BLM: variants seen among roughly 807,000 people sequenced by gnomAD.
BLM encodes recQ-like DNA helicase BLM.
Under a neutral mutation model 135.3 loss-of-function variants are expected in BLM, and 95 were observed. That is an observed-to-expected ratio of 0.70 (90% CI 0.59 to 0.83). The LOEUF (loss-of-function observed/expected upper bound fraction) is 0.83. Among genes scored for constraint, BLM ranks in the 40% least tolerant of loss-of-function variants. The pLI is 0.00. For missense variants in BLM, 1,518 were observed against 1,663.9 expected (o/e 0.91, Z 1.53); for synonymous variants, 520 against 589.2 (o/e 0.88, Z 1.70).
intron 1 of BLM, among the ~76,000 whole-genome samples, chr15:90,740,640 G>C (rs1019348244): frequency 6.6e-6 from 1 of 152,288 alleles, no homozygotes; most frequent in East Asian, 1.9e-4. Context: ...TGGTTTGCCT[G>C]TGTCCCCATT....
chr15:90,744,465 C>G (rs531611090), intron 1 of BLM, among the ~76,000 whole-genome samples: 1 of 152,074 alleles, frequency 6.6e-6, no homozygotes, highest in Non-Finnish European at 1.5e-5. Context: ...CTCTGCCTCC[C>G]GGGTTCAAGC....
chr15:90,751,639 G>A (rs572211100), intron 3 of BLM, 148 bp from the exon 4 acceptor site: 41 of 654,378 alleles, frequency 6.3e-5, no homozygotes, highest in Non-Finnish European at 1.1e-4. Context: ...AAATAAGCCA[G>A]CATTAGCATG....
chr15:90,719,666 T>A (rs1023261426), intron 1 of BLM, among the ~76,000 whole-genome samples: 5 of 152,140 alleles, frequency 3.3e-5, no homozygotes, highest in South Asian at 2.1e-4. Flanking sequence ...TTAAATTTGG[T>A]TGGTGGGTAC....
chr15:90,736,385 G>C (rs1452970919), intron 1 of BLM, among the ~76,000 whole-genome samples: 4 of 151,848 alleles, frequency 2.6e-5, no homozygotes, highest in Admixed American at 6.6e-5. Flanking sequence ...TTGGCCTCTG[G>C]AGTAGCTGGG....
At chr15:90,730,416 C>A (rs1895035367) in intron 1 of BLM, among the ~76,000 whole-genome samples, 1 of 152,024 alleles carries the variant, frequency 6.6e-6, no homozygotes, top group Admixed American at 6.6e-5. Context: ...TATAGAAGTT[C>A]CTTTCTATTC....
chr15:90,814,559 CCTTCCTGGGG>C (rs28363372), intron 21 of BLM, among the ~76,000 whole-genome samples: 1,905 of 152,254 alleles, frequency 0.013, 33 homozygotes, highest in Non-Finnish European at 0.015. Flanking sequence ...GCATCTGCAG[CCTTCCTGGGG>C]CTTCCTGGGG....
Position 90,748,813 on chromosome 15 carries a change from G to A in BLM, c.99-554G>A, listed in dbSNP as rs550143785. Among the ~76,000 whole-genome samples the A allele has an allele frequency of 4.0e-4, 60 of 150,120 alleles. 1 individual carries two copies. Among genetic ancestry groups the A allele is most frequent in the Non-Finnish European group, 7.0e-4 (47 of 67,592 alleles). On this transcript the variant is annotated intron_variant, in intron 2 of 21. Coordinates refer to ENST00000355112, the MANE Select transcript of BLM (RefSeq NM_000057.4). The stretch of plus-strand genomic sequence containing the variant: ...CGCTCTGTCACCCAGGCTGGAGTGC[G>A]GCAGTATAGTCTCGGCTCACTGTAA...
intron 14 of BLM, among the ~76,000 whole-genome samples, chr15:90,786,540 C>A (rs1896753559): frequency 6.6e-6 from 1 of 152,096 alleles, no homozygotes. Context: ...TTTTTATTGT[C>A]CAGCTTTTTT....
chr15:90,813,939 G>A (rs1897487574), intron 21 of BLM, among the ~76,000 whole-genome samples: 2 of 152,234 alleles, frequency 1.3e-5, no homozygotes, highest in South Asian at 4.1e-4. Flanking sequence ...TGGGCTCTCT[G>A]AGTGGGAGTA....
chr15:90,731,906 C>T (rs760180922), intron 1 of BLM, among the ~76,000 whole-genome samples: 3 of 151,948 alleles, frequency 2.0e-5, no homozygotes, highest in Non-Finnish European at 4.4e-5. Context: ...CACCATGTTG[C>T]CAAGGCTGGT....
chr15:90,800,658 C>T (rs1185035733), intron 17 of BLM, among the ~76,000 whole-genome samples: 1 of 149,042 alleles, frequency 6.7e-6, no homozygotes, highest in Non-Finnish European at 1.5e-5. Context: ...CCAGCGTGGG[C>T]AACAAGAGTG....
Position 90,794,366 on chromosome 15 carries a change from AG to A in BLM, c.3210+10del. 2.6e-6 allele frequency: 4 copies of A among 1,551,002 alleles called. No homozygotes were observed. The highest frequency in any genetic ancestry group is 3.5e-6 in the Non-Finnish European group (4 of 1,150,448). ...ATTGCTGTAAAACAAAGGTAAAAAA[AG>A]AAGTTTTAAAATTCTTTATAATTAA... On this transcript the variant is annotated intron_variant, in intron 16 of 21. Transcript: ENST00000355112.
At chr15:90,759,915 A>T (rs1259339536) in intron 5 of BLM, 1 of 67,274 alleles carries the variant, frequency 1.5e-5, no homozygotes, top group Non-Finnish European at 2.7e-5. Flanking sequence ...CCCCACTTTA[A>T]AAAAAAAAAA....
At chr15:90,803,939 C>T (rs1252939894) in intron 18 of BLM, among the ~76,000 whole-genome samples, 1 of 152,176 alleles carries the variant, frequency 6.6e-6, no homozygotes, top group East Asian at 1.9e-4. Flanking sequence ...TATCAGGTCA[C>T]TAAATCTTTA....
intron 6 of BLM, 71 bp downstream of exon 6, chr15:90,760,350 G>A (rs1486197327): frequency 9.4e-6 from 15 of 1,593,388 alleles, no homozygotes; most frequent in Non-Finnish European, 1.2e-5. Context: ...AAATGGACAG[G>A]GCAAAATGTT....
intron 4 of BLM, 54 bp from the exon 5 acceptor site, chr15:90,754,757 A>G: frequency 6.3e-7 from 1 of 1,575,448 alleles, no homozygotes; most frequent in Non-Finnish European, 8.7e-7. Flanking sequence ...AAAATTATAC[A>G]TTTATTGAGT....
intron 14 of BLM, 66 bp downstream of exon 14, chr15:90,785,147 A>C (rs1427629571): frequency 6.7e-7 from 1 of 1,502,502 alleles, no homozygotes; most frequent in African/African-American, 1.4e-5. Context: ...AAACATGCAC[A>C]TGTAGAATGC....
chr15:90,738,677 T>C (rs546257926), intron 1 of BLM, among the ~76,000 whole-genome samples: 3 of 152,284 alleles, frequency 2.0e-5, no homozygotes, highest in Admixed American at 2.0e-4. Context: ...CCAAAGAAGA[T>C]ATACAAATGG....
chr15:90,773,821 T>C (rs1031605565), intron 12 of BLM, among the ~76,000 whole-genome samples: 3 of 152,240 alleles, frequency 2.0e-5, no homozygotes, highest in Admixed American at 2.0e-4. Context: ...CATTCCTTTC[T>C]ATTTTCAGAT....
Sources: gnomAD v4.1 joint callset for allele counts (sites outside exome capture counted in the v4.1 genomes callset) on GRCh38, gnomAD v4.1.1 for gene constraint, MANE v1.5 for transcripts, NCBI Gene and HGNC (gene_info 2026-07-23, HGNC 2026-07-21) for gene names.